The following NEIL3 variants were observed in gnomAD, a reference collection of about 807,000 sequenced individuals.
The protein encoded by NEIL3 is nei like DNA glycosylase 3.
NEIL3 carries 48 observed loss-of-function variants against 57.5 expected under a neutral mutation model. That is an observed-to-expected ratio of 0.83 (90% confidence interval 0.66 to 1.06). The LOEUF (loss-of-function observed/expected upper bound fraction) is 1.06, where lower values mean the gene tolerates loss of function less well. Among genes scored for constraint, NEIL3 ranks in the 50% least tolerant of loss-of-function variants. The probability of loss-of-function intolerance (pLI) is 0.00; values close to 1 mark genes in which losing one functional copy is unlikely to be tolerated. For synonymous variants in NEIL3, 261 were observed against 253.2 expected (o/e 1.03, Z -0.29); for missense variants, 717 against 739.1 (o/e 0.97, Z 0.35).
In NEIL3 at chr4:177,343,470, C is replaced by T. The variant is rs189544232; in HGVS notation, c.869+1828C>T. 2.8e-3 allele frequency: 424 copies of T among 152,416 alleles called. 2 individuals are homozygous for T. Among genetic ancestry groups the T allele is most frequent in the Non-Finnish European group, 4.8e-3 (328 of 68,146 alleles). The allele number at this position is 152,416 out of a possible 1,614,324, so 9.4% of individuals were successfully genotyped here. ...ATAGGAAGAGACTCAGGGCACCACT[C>T]GGCTGTGGGAAACCCGGGAGGTGGG... is the stretch of plus-strand genomic sequence containing the variant. On this transcript the variant is annotated intron_variant, in intron 6 of 9. Coordinates refer to ENST00000264596, the MANE Select transcript of NEIL3 (RefSeq NM_018248.3).
At chr4:177,315,229 G>T (rs1022495299) in intron 1 of NEIL3, among the ~76,000 whole-genome samples, 2 of 152,150 alleles carry the variant, frequency 1.3e-5, no homozygotes, top group Non-Finnish European at 2.9e-5. Flanking sequence ...GTCTTATTCT[G>T]CTCTAAAAAG....
downstream of NEIL3, among the ~76,000 whole-genome samples, chr4:177,366,715 TC>T (rs1735697862): frequency 6.6e-6 from 1 of 152,178 alleles, no homozygotes; most frequent in South Asian, 2.1e-4. Flanking sequence ...ACTTTTTCAA[TC>T]CCATACTCTT....
chr4:177,325,894 A>G (rs959073740), intron 2 of NEIL3, among the ~76,000 whole-genome samples: 1 of 151,958 alleles, frequency 6.6e-6, no homozygotes, highest in Non-Finnish European at 1.5e-5. Context: ...TATTGGATAT[A>G]TTTTTGTATT....
Position 177,339,804 on chromosome 4 carries a change from C to G in NEIL3, c.649C>G (p.Gln217Glu), listed in dbSNP as rs750226510. ...CAAGGTTTGTCAATTAACAGATGAA[C>G]AGATCCATCACCTCATGAAAATGAT... The part of the protein sequence containing the change: ...AVKVCQLTDE[Q>E]IHHLMKMIRD... The change falls in exon 5 of 10, where the codon CAG becomes GAG. Residue 217 changes from glutamine to glutamate, a missense_variant. Gln to Glu is a conservative substitution (Grantham distance 29). Transcript: ENST00000264596. The G allele has an allele frequency of 6.2e-7, 1 of 1,613,524 alleles. No individual in the cohort carries two copies. The highest frequency in any genetic ancestry group is 8.5e-7 in the Non-Finnish European group (1 of 1,179,502).
intron 9 of NEIL3, 78 bp downstream of exon 9, chr4:177,360,755 T>G: frequency 8.8e-7 from 1 of 1,139,832 alleles, no homozygotes; most frequent in Non-Finnish European, 1.2e-6. Context: ...TAGCAATACT[T>G]TCCTAGTTTT....
chr4:177,354,990 C>T (rs942645496), intron 8 of NEIL3, among the ~76,000 whole-genome samples: 7 of 152,124 alleles, frequency 4.6e-5, no homozygotes, highest in Non-Finnish European at 8.8e-5. Context: ...TAATGATTAT[C>T]GGCAGCTCCT....
downstream of NEIL3, among the ~76,000 whole-genome samples, chr4:177,364,973 A>G (rs756253188): frequency 1.9e-4 from 29 of 152,236 alleles, no homozygotes; most frequent in Non-Finnish European, 3.2e-4. Flanking sequence ...GCCATGCAAG[A>G]AAGAGATTTT....
In NEIL3 at chr4:177,351,618, TATCTTGCTCC is replaced by T. The variant is rs529950102; in HGVS notation, c.1039+76_1039+85del. 441 of 1,237,678 alleles carry T rather than the reference TATCTTGCTCC, an allele frequency of 3.6e-4. 1 individual carries two copies. In the East Asian group the frequency reaches 9.6e-3, roughly 27 times the overall value. The allele number at this position is 1,237,678 out of a possible 1,614,324, so 76.7% of individuals were successfully genotyped here. A position where few individuals can be genotyped will look rare whatever the true frequency, so the allele number is the denominator to read the frequency against. ...GGTTAATTATACAAAGTCAGGAATA[TATCTTGCTCC>T]ATCTTGATATTCCATAACTAAATAA... On this transcript the variant is annotated intron_variant, in intron 7 of 9. Coordinates refer to ENST00000264596, the MANE Select transcript of NEIL3 (RefSeq NM_018248.3).
intron 2 of NEIL3, among the ~76,000 whole-genome samples, chr4:177,327,179 A>C (rs1734798187): frequency 6.6e-6 from 1 of 152,100 alleles, no homozygotes. Flanking sequence ...CCATGATTGT[A>C]AGTTTCCTGA....
At chr4:177,326,965 G>A (rs1734792815) in intron 2 of NEIL3, among the ~76,000 whole-genome samples, 1 of 151,946 alleles carries the variant, frequency 6.6e-6, no homozygotes, top group Non-Finnish European at 1.5e-5. Context: ...CCCATGTGTC[G>A]AGGTGTGGGG....
Position 177,351,206 on chromosome 4 carries a change from C to CAAAAAA in NEIL3, c.870-147_870-142dup, listed in dbSNP as rs749430879. On this transcript the variant is annotated intron_variant, in intron 6 of 9. Coordinates refer to ENST00000264596, the MANE Select transcript of NEIL3 (RefSeq NM_018248.3). ...ATGACAGAGCAAGACCCCATCTCTA[C>CAAAAAA]AAAAAAAAAAAAAAAAAAAAAAAAA... 1.5e-3 allele frequency among the ~76,000 whole-genome samples: 90 copies of CAAAAAA among 58,520 alleles called. 3 individuals are homozygous for CAAAAAA. Among genetic ancestry groups the CAAAAAA allele is most frequent in the African/African-American group, 3.0e-3 (38 of 12,828 alleles). 38.4% of individuals were successfully genotyped at this position (58,520 alleles called of 152,430 possible).
downstream of NEIL3, among the ~76,000 whole-genome samples, chr4:177,366,027 A>G (rs982010504): frequency 6.6e-6 from 1 of 152,248 alleles, no homozygotes; most frequent in Non-Finnish European, 1.5e-5. Flanking sequence ...CAGATTTTAA[A>G]GCAGCTATTA....
chr4:177,370,767 G>A, the NEIL3 span, among the ~76,000 whole-genome samples: 2 of 152,116 alleles, frequency 1.3e-5, no homozygotes, highest in Non-Finnish European at 2.9e-5. Flanking sequence ...CTGGTGTGGT[G>A]GCGAGCACCT....
chr4:177,348,630 C>T (rs1171945816), intron 6 of NEIL3, among the ~76,000 whole-genome samples: 1 of 152,060 alleles, frequency 6.6e-6, no homozygotes, highest in Non-Finnish European at 1.5e-5. Flanking sequence ...GCTGCCCACC[C>T]CAGTGTGCAG....
At chr4:177,330,447 A>C (rs1180644030) in intron 2 of NEIL3, among the ~76,000 whole-genome samples, 1 of 152,198 alleles carries the variant, frequency 6.6e-6, no homozygotes, top group Non-Finnish European at 1.5e-5. Context: ...AATAAGAGCT[A>C]ATTAAACCCA....
downstream of NEIL3, among the ~76,000 whole-genome samples, chr4:177,365,739 A>G (rs570247006): frequency 6.6e-6 from 1 of 152,352 alleles, no homozygotes; most frequent in East Asian, 1.9e-4. Flanking sequence ...AATATGCTGT[A>G]GGAATTTAAC....
In NEIL3 at chr4:177,310,072, T is replaced by C; in HGVS notation, c.119T>C (p.Leu40Ser). Reference sequence around the variant, plus strand: ...CTGCGGAGTCTGCAGGGCCGCGCCTTGCGGCTCGCAGCCTCCACGGTTGTG... The same window carrying C: ...CTGCGGAGTCTGCAGGGCCGCGCCTCGCGGCTCGCAGCCTCCACGGTTGTG... ...SALRSLQGRA[L>S]RLAASTVVVS... Residue 40 changes from leucine to serine, a missense_variant, in exon 1 of 10, where the codon TTG becomes TCG. Coordinates refer to ENST00000264596, the MANE Select transcript of NEIL3 (RefSeq NM_018248.3). 2.5e-6 allele frequency: 4 copies of C among 1,598,204 alleles called. No homozygotes were observed. Among genetic ancestry groups the C allele is most frequent in the African/African-American group, 2.7e-5 (2 of 74,076 alleles).
At chr4:177,351,204 TACAAAAA>T (rs1735341694) in intron 6 of NEIL3, among the ~76,000 whole-genome samples, 169 bp from the exon 7 acceptor site, 1 of 21,992 alleles carries the variant, frequency 4.5e-5, no homozygotes, top group Non-Finnish European at 6.9e-5. Flanking sequence ...ACCCCATCTC[TACAAAAA>T]AAAAAAAAAA....
At position 177,351,451 on chromosome 4, in the gene NEIL3, C is replaced by T; in HGVS notation, c.941C>T (p.Ala314Val). ...SRVDHVMDSVARKSEEHWTCV... is the reference protein window; with the variant it reads ...SRVDHVMDSVVRKSEEHWTCV... ...GTGGATCATGTTATGGACTCCGTGG[C>T]TCGGAAGTCGGAAGAGCACTGGACC... Residue 314 changes from alanine (A) to valine (V), a missense_variant, in exon 7 of 10, where the codon GCT becomes GTT. Transcript: ENST00000264596. 2 of 1,613,778 alleles carry T rather than the reference C, an allele frequency of 1.2e-6. No individual in the cohort carries two copies. The highest frequency in any genetic ancestry group is 1.1e-5 in the South Asian group (1 of 91,080).
Sources: gnomAD v4.1 joint callset for allele counts (sites outside exome capture counted in the v4.1 genomes callset) on GRCh38, gnomAD v4.1.1 for gene constraint, MANE v1.5 for transcripts, NCBI Gene and HGNC (gene_info 2026-07-23, HGNC 2026-07-21) for gene names.